Variants in CSNK1G3 observed in about 807,000 individuals in gnomAD.
CSNK1G3 encodes casein kinase 1 gamma 3.
A neutral mutation model predicts 64.3 loss-of-function variants in CSNK1G3; 23 were observed. The observed-to-expected ratio is 0.36, with a 90% confidence interval of 0.26 to 0.51. The LOEUF (loss-of-function observed/expected upper bound fraction) is 0.51, where lower values mean the gene tolerates loss of function less well. Among genes scored for constraint, CSNK1G3 ranks in the 20% least tolerant of loss-of-function variants. The probability of loss-of-function intolerance (pLI) is 0.96; values close to 1 mark genes in which losing one functional copy is unlikely to be tolerated. For synonymous variants in CSNK1G3, 158 were observed against 162.2 expected, an observed-to-expected ratio of 0.97 and a Z score of 0.20; for missense variants, 357 against 510.5, an observed-to-expected ratio of 0.70 and a Z score of 2.90.
intron 3 of CSNK1G3, among the ~76,000 whole-genome samples, chr5:123,555,121 CCT>C (rs1247918113): frequency 1.3e-5 from 2 of 152,160 alleles, no homozygotes; most frequent in African/African-American, 4.8e-5. Context: ...CATTCTTCCT[CCT>C]CTCTGTTTTG....
At chr5:123,581,817 A>T (rs932737057) in intron 6 of CSNK1G3, among the ~76,000 whole-genome samples, 2 of 151,804 alleles carry the variant, frequency 1.3e-5, no homozygotes, top group Non-Finnish European at 2.9e-5. Context: ...AACTTTTAAT[A>T]TTTAAGAAGG....
intron 1 of CSNK1G3, among the ~76,000 whole-genome samples, chr5:123,516,400 A>G (rs1462156773): frequency 6.6e-6 from 1 of 152,222 alleles, no homozygotes; most frequent in Non-Finnish European, 1.5e-5. Flanking sequence ...TATAACTTCT[A>G]GCGACATGGT....
At chr5:123,581,466 A>G (rs1322373081) in intron 6 of CSNK1G3, among the ~76,000 whole-genome samples, 1 of 131,966 alleles carries the variant, frequency 7.6e-6, no homozygotes, top group African/African-American at 2.9e-5. Context: ...TCTACCTTTG[A>G]TTTACTTCTT....
chr5:123,514,928 A>G (rs1476665918), intron 1 of CSNK1G3, among the ~76,000 whole-genome samples: 1 of 152,166 alleles, frequency 6.6e-6, no homozygotes, highest in Non-Finnish European at 1.5e-5. Flanking sequence ...TACAGATCGT[A>G]GGCTGACAGT....
chr5:123,595,119 T>C, intron 10 of CSNK1G3: 1 of 1,613,498 alleles, frequency 6.2e-7, no homozygotes, highest in Non-Finnish European at 8.5e-7. Flanking sequence ...CAGACAGACA[T>C]GGTGGCTCGG....
intron 1 of CSNK1G3, among the ~76,000 whole-genome samples, chr5:123,532,127 A>G (rs1780036866): frequency 6.6e-6 from 1 of 151,884 alleles, no homozygotes; most frequent in Non-Finnish European, 1.5e-5. Flanking sequence ...ATTTTTAGCA[A>G]CGGGTATAAT....
At chr5:123,539,611 A>G (rs1466009645) in intron 1 of CSNK1G3, among the ~76,000 whole-genome samples, 1 of 152,118 alleles carries the variant, frequency 6.6e-6, no homozygotes, top group Non-Finnish European at 1.5e-5. Context: ...TTTTGTATCT[A>G]TGCTCATGAG....
intron 1 of CSNK1G3, among the ~76,000 whole-genome samples, chr5:123,540,270 C>A (rs1365329147): frequency 6.6e-6 from 1 of 150,910 alleles, no homozygotes; most frequent in African/African-American, 2.4e-5. Context: ...TTTTATTTTT[C>A]CGTTTATCAG....
At chr5:123,574,902 G>A (rs2150723021) in intron 5 of CSNK1G3, among the ~76,000 whole-genome samples, 1 of 152,156 alleles carries the variant, frequency 6.6e-6, no homozygotes. Context: ...CTTTGCAAAT[G>A]CTCATATCAT....
intron 4 of CSNK1G3, among the ~76,000 whole-genome samples, chr5:123,567,325 G>T (rs1426701187): frequency 6.6e-6 from 1 of 152,184 alleles, no homozygotes; most frequent in Non-Finnish European, 1.5e-5. Context: ...TTAAGGCCAG[G>T]CGTGGTGGCT....
chr5:123,547,770 A>T (rs976710031), intron 2 of CSNK1G3, among the ~76,000 whole-genome samples: 4 of 152,046 alleles, frequency 2.6e-5, no homozygotes, highest in African/African-American at 9.7e-5. Flanking sequence ...GTATACTTAT[A>T]ATATGTACGC....
Position 123,553,726 on chromosome 5 carries a change from G to A in CSNK1G3, c.219+579G>A, listed in dbSNP as rs141967243. Reference sequence around the variant, plus strand: ...CAGTATGACAGCTGCAGAGCAGAGCGATCTCTTTGGAAAAATTGGGATCTA... The same window carrying A: ...CAGTATGACAGCTGCAGAGCAGAGCAATCTCTTTGGAAAAATTGGGATCTA... On this transcript the variant is annotated intron_variant, in intron 3 of 12. Coordinates refer to ENST00000345990, the Ensembl canonical transcript of CSNK1G3. Among the ~76,000 whole-genome samples, 8 of 152,316 alleles carry A rather than the reference G, an allele frequency of 5.3e-5. No homozygotes were observed. The East Asian group carries it at 1.2e-3, about 22-fold the overall frequency.
In CSNK1G3 at chr5:123,514,250, T is replaced by A. The variant is rs539225465; in HGVS notation, c.-248+1680T>A. On this transcript the variant is annotated intron_variant, in intron 1 of 12. Transcript: ENST00000345990. ...GAAACGATTGTCTTTACTGATGATT[T>A]ATTATAGTCATCCACCCCCTTCTGC... 5.3e-5 allele frequency among the ~76,000 whole-genome samples: 8 copies of A among 152,342 alleles called. No homozygotes were observed. In the South Asian group the frequency reaches 1.7e-3, roughly 32 times the overall value.
chr5:123,548,125 G>A (rs535544162), intron 2 of CSNK1G3, among the ~76,000 whole-genome samples: 7 of 152,034 alleles, frequency 4.6e-5, no homozygotes, highest in East Asian at 1.9e-4. Flanking sequence ...TCTTTTTTGG[G>A]GTAGAATACT....
At chr5:123,585,037 T>C (rs761883419) in intron 6 of CSNK1G3, among the ~76,000 whole-genome samples, 5 of 152,196 alleles carry the variant, frequency 3.3e-5, no homozygotes, top group African/African-American at 1.2e-4. Flanking sequence ...TCATTACTGA[T>C]TGTCCATTGG....
chr5:123,528,857 C>G (rs1412961439), intron 1 of CSNK1G3, among the ~76,000 whole-genome samples: 3 of 152,146 alleles, frequency 2.0e-5, no homozygotes, highest in Non-Finnish European at 4.4e-5. Flanking sequence ...ATTTGTAACC[C>G]TAAACTCAGT....
intron 1 of CSNK1G3, among the ~76,000 whole-genome samples, chr5:123,531,719 T>G (rs1031571164): frequency 6.6e-6 from 1 of 152,014 alleles, no homozygotes. Flanking sequence ...TGTAAATATT[T>G]TATTACCATT....
chr5:123,557,059 A>G (rs752157458), intron 3 of CSNK1G3, among the ~76,000 whole-genome samples: 9 of 152,090 alleles, frequency 5.9e-5, no homozygotes, highest in Admixed American at 2.0e-4. Flanking sequence ...AAAAATTAAG[A>G]CATTGTTGCT....
intron 1 of CSNK1G3, among the ~76,000 whole-genome samples, chr5:123,521,379 AATTGAG>A (rs1383046399): frequency 1.3e-5 from 2 of 152,110 alleles, no homozygotes; most frequent in Admixed American, 1.3e-4. Flanking sequence ...GTCTTTATAT[AATTGAG>A]ATTCTGCAAA....
Sources: allele counts gnomAD v4.1 joint callset (sites outside exome capture counted in the v4.1 genomes callset), GRCh38; gene constraint gnomAD v4.1.1; transcripts MANE v1.5; gene names NCBI Gene and HGNC (gene_info 2026-07-23, HGNC 2026-07-21).